Variants in CLIP4 observed in about 807,000 individuals in gnomAD.
CLIP4 encodes the protein CAP-Gly domain containing linker protein family member 4.
CLIP4 carries 47 observed loss-of-function variants against 73.1 expected under a neutral mutation model. The ratio of observed to expected loss-of-function variants is 0.64; its 90% CI spans 0.51 to 0.82. The LOEUF (loss-of-function observed/expected upper bound fraction) is 0.82, where lower values mean the gene tolerates loss of function less well. Ranked by LOEUF, CLIP4 falls within the 40% of genes least tolerant of loss-of-function variation. CLIP4 has a pLI of 0.00. For synonymous variants in CLIP4, 306 were observed against 295.4 expected (o/e 1.04, Z -0.37); for missense variants, 874 against 852.9 (o/e 1.02, Z -0.31).
chr2:29,150,147 C>A (rs1380780863), intron 8 of CLIP4, among the ~76,000 whole-genome samples: 2 of 152,194 alleles, frequency 1.3e-5, no homozygotes, highest in Admixed American at 1.3e-4. Flanking sequence ...TTCCACCCAG[C>A]ACTGCTGCCT....
Position 29,118,887 on chromosome 2 carries a change from A to G in CLIP4, c.-15-2487A>G, listed in dbSNP as rs115037785. Among the ~76,000 whole-genome samples the G allele has an allele frequency of 8.6e-3, 1,303 of 152,246 alleles. 17 individuals are homozygous for G. Among genetic ancestry groups the G allele is most frequent in the Non-Finnish European group, 0.014 (932 of 68,010 alleles). On this transcript the variant is annotated intron_variant, in intron 1 of 15. Transcript: ENST00000320081. ...TATAATCAGTTATCACCAGTTAACC[A>G]TAGTTGGATTTGGAATGAAAGTGTG...
At chr2:29,110,101 A>G (rs1419171090) in intron 1 of CLIP4, among the ~76,000 whole-genome samples, 1 of 152,158 alleles carries the variant, frequency 6.6e-6, no homozygotes, top group African/African-American at 2.4e-5. Context: ...ATGAAACTAA[A>G]CTAGATCAAC....
At chr2:29,139,462 C>G (rs1301664405) in intron 6 of CLIP4, among the ~76,000 whole-genome samples, 1 of 151,942 alleles carries the variant, frequency 6.6e-6, no homozygotes, top group East Asian at 1.9e-4. Flanking sequence ...TGTGTCTTTG[C>G]CAGATTTTGG....
chr2:29,148,272 A>G (rs1049523852), intron 8 of CLIP4, among the ~76,000 whole-genome samples: 6 of 152,198 alleles, frequency 3.9e-5, no homozygotes, highest in African/African-American at 1.4e-4. Context: ...GGAATTTCTC[A>G]ACAATGGTTT....
At chr2:29,154,345 C>A (rs1376097214) in intron 9 of CLIP4, among the ~76,000 whole-genome samples, 1 of 152,138 alleles carries the variant, frequency 6.6e-6, no homozygotes, top group Non-Finnish European at 1.5e-5. Context: ...CTTGCCTTTT[C>A]TTTCCCTTGT....
chr2:29,159,683 T>TAAAAA (rs56927221), intron 11 of CLIP4, among the ~76,000 whole-genome samples: 14 of 114,144 alleles, frequency 1.2e-4, no homozygotes, highest in African/African-American at 5.0e-4. Flanking sequence ...CCTGTTTCTT[T>TAAAAA]AAAAAAAAAA....
chr2:29,178,693 T>C (rs1207730091), intron 15 of CLIP4, among the ~76,000 whole-genome samples: 2 of 152,246 alleles, frequency 1.3e-5, no homozygotes, highest in Non-Finnish European at 2.9e-5. Flanking sequence ...TAGTAATAGA[T>C]GCCAGACTTC....
At chr2:29,122,292 G>A (rs184018997) in intron 2 of CLIP4, among the ~76,000 whole-genome samples, 113 of 146,880 alleles carry the variant, frequency 7.7e-4, no homozygotes, top group Admixed American at 5.5e-3. Flanking sequence ...TAGACCAGTC[G>A]TCAGAAGTAT....
intron 6 of CLIP4, among the ~76,000 whole-genome samples, chr2:29,140,118 G>A (rs1665655776): frequency 6.6e-6 from 1 of 151,666 alleles, no homozygotes; most frequent in Non-Finnish European, 1.5e-5. Flanking sequence ...TAGGGTACTT[G>A]TGCACAATGT....
At position 29,181,625 on chromosome 2, in the gene CLIP4, T is replaced by C; in HGVS notation, c.1850T>C (p.Ile617Thr). 1 of 1,613,890 alleles carries C rather than the reference T, an allele frequency of 6.2e-7. No homozygotes were observed. The highest frequency in any genetic ancestry group is 8.5e-7 in the Non-Finnish European group (1 of 1,179,794). ...SWSSTPTAGG[I>T]EGSVKLHEGS... Reference sequence around the variant, plus strand: ...AGCAGCACCCCCACCGCAGGTGGCATTGAAGGGAGCGTGAAGCTGCACGAG... The same window carrying C: ...AGCAGCACCCCCACCGCAGGTGGCACTGAAGGGAGCGTGAAGCTGCACGAG... Residue 617 changes from isoleucine to threonine, a missense_variant, in exon 16 of 16, where the codon ATT (isoleucine) becomes ACT (threonine). Transcript: ENST00000320081.
intron 12 of CLIP4, 87 bp from the exon 13 acceptor site, chr2:29,163,744 A>G (rs1264076757): frequency 7.4e-7 from 1 of 1,349,028 alleles, no homozygotes; most frequent in African/African-American, 1.5e-5. Flanking sequence ...TGGAAATGTT[A>G]AAACACCTCG....
chr2:29,166,612 A>G (rs940089344), intron 13 of CLIP4, among the ~76,000 whole-genome samples: 2 of 151,944 alleles, frequency 1.3e-5, no homozygotes, highest in African/African-American at 4.8e-5. Flanking sequence ...AGTTCTTACT[A>G]TTATTAGGCA....
At chr2:29,173,744 C>T (rs1438504210) in intron 14 of CLIP4, among the ~76,000 whole-genome samples, 1 of 152,148 alleles carries the variant, frequency 6.6e-6, no homozygotes, top group African/African-American at 2.4e-5. Context: ...TTTTTAATAA[C>T]ATCTTTTTAA....
intron 7 of CLIP4, among the ~76,000 whole-genome samples, chr2:29,144,644 G>A (rs941503708): frequency 8.6e-5 from 13 of 151,808 alleles, no homozygotes; most frequent in Non-Finnish European, 2.9e-5. Flanking sequence ...CCATCAACCC[G>A]TCATCTACAT....
intron 4 of CLIP4, chr2:29,132,613 G>T (rs1572909315): frequency 5.1e-6 from 1 of 194,556 alleles, no homozygotes; most frequent in East Asian, 1.3e-4. Context: ...CCTAAGGTCT[G>T]TTCCTACATA....
intron 3 of CLIP4, 80 bp downstream of exon 3, chr2:29,131,477 A>C: frequency 7.0e-7 from 1 of 1,438,782 alleles, no homozygotes; most frequent in East Asian, 2.3e-5. Flanking sequence ...TGAAAGGAAG[A>C]TGGTAATAAA....
chr2:29,180,535 C>T (rs146977056), intron 15 of CLIP4, among the ~76,000 whole-genome samples: 1,818 of 152,030 alleles, frequency 0.012, 23 homozygotes, highest in Non-Finnish European at 0.021. Flanking sequence ...AACCTTTAAC[C>T]GTAACTGGAG....
intron 9 of CLIP4, among the ~76,000 whole-genome samples, chr2:29,155,714 G>GGCTCTC (rs1438844926): frequency 3.9e-5 from 6 of 152,136 alleles, no homozygotes; most frequent in African/African-American, 1.4e-4. Flanking sequence ...TTGGAGTTCA[G>GGCTCTC]GCTCTCATGC....
intron 2 of CLIP4, among the ~76,000 whole-genome samples, chr2:29,124,876 C>T (rs1210493818): frequency 6.6e-6 from 1 of 152,036 alleles, no homozygotes; most frequent in African/African-American, 2.4e-5. Flanking sequence ...TTATAATATC[C>T]ATGTCAACTC....
Sources: allele counts gnomAD v4.1 joint callset (sites outside exome capture counted in the v4.1 genomes callset), GRCh38; gene constraint gnomAD v4.1.1; transcripts MANE v1.5; gene names NCBI Gene and HGNC (gene_info 2026-07-23, HGNC 2026-07-21).